Variants in B3GNT3 observed in about 807,000 individuals in gnomAD.
The protein encoded by B3GNT3 is N-acetyllactosaminide beta-1,3-N-acetylglucosaminyltransferase 3.
Under a neutral mutation model 11.6 loss-of-function variants are expected in B3GNT3, and 7 were observed. The ratio of observed to expected loss-of-function variants is 0.60; its 90% CI spans 0.34 to 1.13. The LOEUF is 1.13. B3GNT3 is among the 50% of genes most tolerant of loss of function. The pLI is 0.03. For synonymous variants in B3GNT3, 201 were observed against 222.1 expected (o/e 0.90, Z 0.85); for missense variants, 400 against 507.4 (o/e 0.79, Z 2.03).
At chr19:17,798,543 C>T (rs1012261124) in intron 1 of B3GNT3, among the ~76,000 whole-genome samples, 2 of 152,058 alleles carry the variant, frequency 1.3e-5, no homozygotes, top group Non-Finnish European at 2.9e-5. Context: ...TGGTAACGCA[C>T]ACCTGTAATC....
chr19:17,809,254 G>T (rs1188060361), intron 2 of B3GNT3, among the ~76,000 whole-genome samples: 2 of 151,914 alleles, frequency 1.3e-5, no homozygotes, highest in Admixed American at 6.6e-5. Context: ...CATGTGCTCA[G>T]TCAAGACCTT....
chr19:17,802,602 G>T (rs557023574), intron 1 of B3GNT3, among the ~76,000 whole-genome samples: 1 of 152,240 alleles, frequency 6.6e-6, no homozygotes, highest in South Asian at 2.1e-4. Context: ...TAAATATGAA[G>T]ACTACGGAAA....
In B3GNT3 at chr19:17,811,663, G is replaced by A. The variant is rs1164087486; in HGVS notation, c.660G>A (p.Met220Ile). ...ACGTCTTTGCACACACAGACAACAT[G>A]GTCTTCTACCTGCAGGACCATGACC... ...DDDVFAHTDN[M>I]VFYLQDHDPG... Residue 220 changes from methionine (M) to isoleucine (I), a missense_variant, in exon 3 of 3, where the codon ATG (methionine) becomes ATA (isoleucine). Coordinates refer to ENST00000318683, the MANE Select transcript of B3GNT3 (RefSeq NM_014256.4). This position sits in a 1 kb window ranked among gnomAD's most constrained non-coding sequence, Gnocchi z 4.1. 7.4e-6 allele frequency: 12 copies of A among 1,614,110 alleles called. No individual in the cohort carries two copies. The highest frequency in any genetic ancestry group is 1.7e-5 in the Admixed American group (1 of 59,996).
At chr19:17,796,507 C>T (rs924742177) in intron 1 of B3GNT3, among the ~76,000 whole-genome samples, 4 of 152,206 alleles carry the variant, frequency 2.6e-5, no homozygotes, top group Non-Finnish European at 5.9e-5. Context: ...GCCACCTGGC[C>T]GTCTAGGTCT....
intron 2 of B3GNT3, among the ~76,000 whole-genome samples, chr19:17,810,479 C>T (rs2094179227): frequency 6.6e-6 from 1 of 152,014 alleles, no homozygotes; most frequent in Non-Finnish European, 1.5e-5. Flanking sequence ...AACCCAGCAC[C>T]CGTGAAGCAC....
chr19:17,802,180 A>G lies in B3GNT3; in HGVS notation c.-50-5578A>G, dbSNP rs552282923. 2.0e-3 allele frequency among the ~76,000 whole-genome samples: 302 copies of G among 152,088 alleles called. 1 individual carries two copies. The highest frequency in any genetic ancestry group is 7.0e-3 in the African/African-American group (291 of 41,498). On this transcript the variant is annotated intron_variant, in intron 1 of 2. Coordinates refer to ENST00000318683, the MANE Select transcript of B3GNT3 (RefSeq NM_014256.4). ...TAAGCTCAAGTGATCCTCCTGCCTC[A>G]GCCTCCTAAAGCACTGGGATTACAG...
At chr19:17,806,032 A>T (rs1344952183) in intron 1 of B3GNT3, among the ~76,000 whole-genome samples, 1 of 152,050 alleles carries the variant, frequency 6.6e-6, no homozygotes, top group East Asian at 1.9e-4. Flanking sequence ...CAATGGTGTG[A>T]TCATAGCTCA....
Position 17,800,099 on chromosome 19 carries a change from G to T in B3GNT3, c.-51+4893G>T, listed in dbSNP as rs140462907. The stretch of plus-strand genomic sequence containing the variant: ...GTGACAAGAACAGGGTTGAGACTGG[G>T]CGCAGTGGCTCACTCCTGTAATCCC... On this transcript the variant is annotated intron_variant, in intron 1 of 2. Transcript: ENST00000318683. 3.3e-5 allele frequency among the ~76,000 whole-genome samples: 5 copies of T among 152,244 alleles called. No homozygotes were observed. In the East Asian group the frequency reaches 9.7e-4, roughly 29 times the overall value.
At chr19:17,802,812 G>T (rs1009265534) in intron 1 of B3GNT3, among the ~76,000 whole-genome samples, 3 of 151,962 alleles carry the variant, frequency 2.0e-5, no homozygotes, top group African/African-American at 7.3e-5. Context: ...CGAGTAGCTG[G>T]GACTAAAGGC....
At chr19:17,802,129 T>C (rs529939135) in intron 1 of B3GNT3, among the ~76,000 whole-genome samples, 1 of 151,532 alleles carries the variant, frequency 6.6e-6, no homozygotes, top group East Asian at 1.9e-4. Flanking sequence ...GGTCTTGCTG[T>C]GTTACCCAGG....
intron 1 of B3GNT3, among the ~76,000 whole-genome samples, chr19:17,795,550 A>G (rs1031152449): frequency 6.6e-6 from 1 of 152,032 alleles, no homozygotes; most frequent in African/African-American, 2.4e-5. Flanking sequence ...TGTTGTTGAG[A>G]TTATTGGCCC....
intron 1 of B3GNT3, among the ~76,000 whole-genome samples, chr19:17,795,666 G>T (rs1416915529): frequency 6.6e-6 from 1 of 152,222 alleles, no homozygotes; most frequent in Non-Finnish European, 1.5e-5. Context: ...TGCAGGCCCT[G>T]CCAGGTGGCT....
intron 1 of B3GNT3, among the ~76,000 whole-genome samples, chr19:17,799,824 A>G (rs2094163912): frequency 6.6e-6 from 1 of 151,316 alleles, no homozygotes; most frequent in Non-Finnish European, 1.5e-5. Flanking sequence ...GGAGTCCCTG[A>G]AGAGCAATCC....
intron 1 of B3GNT3, among the ~76,000 whole-genome samples, chr19:17,801,916 C>T (rs761141612): frequency 1.3e-5 from 2 of 152,090 alleles, no homozygotes; most frequent in Non-Finnish European, 2.9e-5. Flanking sequence ...GGTGAAACCC[C>T]GTCTCTACTA....
chr19:17,799,274 T>C (rs978090434), intron 1 of B3GNT3, among the ~76,000 whole-genome samples: 2 of 148,842 alleles, frequency 1.3e-5, no homozygotes, highest in Admixed American at 6.7e-5. Context: ...TCCAGCTTTT[T>C]TTTTTTTTTT....
Position 17,812,359 on chromosome 19 carries a change from T to C in B3GNT3, c.*237T>C, listed in dbSNP as rs1339161496. 5.9e-6 allele frequency: 3 copies of C among 510,492 alleles called. No individual in the cohort carries two copies. The highest frequency in any genetic ancestry group is 1.0e-5 in the Non-Finnish European group (3 of 288,486). 31.6% of individuals were successfully genotyped at this position (510,492 alleles called of 1,614,324 possible). Reference sequence around the variant, plus strand: ...GGAACTCCAGAAAATATCCATCTTCTTTTTGTGGCTGCTAATGGCAGAAGT... The same window carrying C: ...GGAACTCCAGAAAATATCCATCTTCCTTTTGTGGCTGCTAATGGCAGAAGT... On this transcript the variant is annotated 3_prime_UTR_variant, in exon 3 of 3. Transcript: ENST00000318683.
chr19:17,808,716 C>T (rs1310004425), intron 2 of B3GNT3, among the ~76,000 whole-genome samples: 1 of 152,128 alleles, frequency 6.6e-6, no homozygotes, highest in Non-Finnish European at 1.5e-5. Context: ...GTGAATGAGT[C>T]CCACCCACCT....
At chr19:17,802,085 C>CT (rs2094166975) in intron 1 of B3GNT3, among the ~76,000 whole-genome samples, 1 of 149,122 alleles carries the variant, frequency 6.7e-6, no homozygotes, top group Non-Finnish European at 1.5e-5. Context: ...AAGATTCTGT[C>CT]TCCAAAAAAA....
rs67513010 is a variant in B3GNT3, at chr19:17,804,533, C to CTTTTTTTTTTTT, written c.-50-3214_-50-3203dup. The stretch of plus-strand genomic sequence containing the variant: ...TACAGGCGTGAGCCACCGTGCCCAG[C>CTTTTTTTTTTTT]TTTTTTTTTTTTTTTTTTTTTTGAG... On this transcript the variant is annotated intron_variant, in intron 1 of 2. Transcript: ENST00000318683. 7.7e-4 allele frequency among the ~76,000 whole-genome samples: 44 copies of CTTTTTTTTTTTT among 57,014 alleles called. 9 individuals are homozygous for CTTTTTTTTTTTT. Among genetic ancestry groups the CTTTTTTTTTTTT allele is most frequent in the African/African-American group, 2.4e-3 (29 of 12,050 alleles). 37.4% of individuals were successfully genotyped at this position (57,014 alleles called of 152,430 possible).
Sources: allele counts gnomAD v4.1 joint callset (sites outside exome capture counted in the v4.1 genomes callset), GRCh38; gene constraint gnomAD v4.1.1; non-coding constraint Gnocchi (gnomAD v3.1); transcripts MANE v1.5; gene names NCBI Gene and HGNC (gene_info 2026-07-23, HGNC 2026-07-21).